CYFIP1: variants seen among roughly 807,000 people sequenced by gnomAD.
The protein encoded by CYFIP1 is cytoplasmic FMR1-interacting protein 1.
A neutral mutation model predicts 163.5 loss-of-function variants in CYFIP1; 58 were observed. The observed-to-expected ratio is 0.35, with a 90% CI of 0.29 to 0.44. The LOEUF (loss-of-function observed/expected upper bound fraction) is 0.44. Among genes scored for constraint, CYFIP1 ranks in the 20% least tolerant of loss-of-function variants. The probability of loss-of-function intolerance (pLI) is 1.00; values close to 1 mark genes in which losing one functional copy is unlikely to be tolerated. For synonymous variants in CYFIP1, 663 were observed against 660.7 expected (o/e 1.00, Z -0.05); for missense variants, 1,338 against 1,653.8 (o/e 0.81, Z 3.31).
chr15:22,933,936 A>G, intron 9 of CYFIP1, 43 bp from the exon 10 acceptor site: 1 of 1,406,540 alleles, frequency 7.1e-7, no homozygotes, highest in Non-Finnish European at 1.0e-6. Flanking sequence ...ATGTATATTT[A>G]GTCACCAAAT....
rs1595622442 is a variant in CYFIP1, at chr15:22,927,277, C to G, written c.1233+629G>C. On this transcript the variant is annotated intron_variant, in intron 12 of 30. Transcript: ENST00000617928. ...GGTAGTTCACCTGAGGTCAGGAGTT[C>G]AAGACCAGTGTGGCCAACATGGTGA... 3.9e-5 allele frequency among the ~76,000 whole-genome samples: 6 copies of G among 151,936 alleles called. No homozygotes were observed. In the South Asian group the frequency reaches 1.2e-3, roughly 32 times the overall value.
At chr15:22,893,689 T>C (rs2060142929) in intron 22 of CYFIP1, among the ~76,000 whole-genome samples, 1 of 152,198 alleles carries the variant, frequency 6.6e-6, no homozygotes, top group Non-Finnish European at 1.5e-5. Flanking sequence ...GAGGACGTGC[T>C]GCACAGAGGA....
At chr15:22,895,279 G>A (rs2060207064) in intron 22 of CYFIP1, among the ~76,000 whole-genome samples, 1 of 152,106 alleles carries the variant, frequency 6.6e-6, no homozygotes, top group South Asian at 2.1e-4. Flanking sequence ...CTCCCAAAGT[G>A]CTGGGATTAC....
At chr15:22,881,758 A>T in intron 25 of CYFIP1, 88 bp downstream of exon 25, 1 of 1,301,224 alleles carries the variant, frequency 7.7e-7, no homozygotes, top group Non-Finnish European at 1.1e-6. Flanking sequence ...CCACATGGCA[A>T]ATCTAATCCT....
intron 26 of CYFIP1, 50 bp from the exon 27 acceptor site, chr15:22,875,321 A>G (rs767871447): frequency 6.5e-7 from 1 of 1,528,876 alleles, no homozygotes; most frequent in Non-Finnish European, 9.1e-7. Flanking sequence ...CTCGCCAGAG[A>G]GCAATCTGGT....
intron 1 of CYFIP1, chr15:22,951,364 C>T: frequency 1.6e-6 from 2 of 1,228,810 alleles, no homozygotes; most frequent in Non-Finnish European, 2.1e-6. Flanking sequence ...CAGAAAGGAG[C>T]AGTGCAGGGC....
In CYFIP1 at chr15:22,903,121, C is replaced by T. The variant is rs570429323; in HGVS notation, c.2588+585G>A. Among the ~76,000 whole-genome samples the T allele has an allele frequency of 3.9e-4, 60 of 152,296 alleles. 3 individuals carry two copies. In the South Asian group the frequency reaches 9.1e-3, roughly 23 times the overall value. Reference sequence around the variant, plus strand: ...CTTGCTTGGTGCCCTGGTCATCCCCCCAGGCTGTTGGTGTCTATGGGAAGG... The same window carrying T: ...CTTGCTTGGTGCCCTGGTCATCCCCTCAGGCTGTTGGTGTCTATGGGAAGG... On this transcript the variant is annotated intron_variant, in intron 22 of 30. Transcript: ENST00000617928.
intron 26 of CYFIP1, among the ~76,000 whole-genome samples, chr15:22,878,747 C>A (rs1332690919): frequency 1.4e-5 from 2 of 143,404 alleles, no homozygotes; most frequent in African/African-American, 5.2e-5. Context: ...TATCAAAAAT[C>A]ACCACTATCA....
At chr15:22,933,075 C>G (rs115584384) in intron 10 of CYFIP1, among the ~76,000 whole-genome samples, 1 of 152,232 alleles carries the variant, frequency 6.6e-6, no homozygotes, top group African/African-American at 2.4e-5. Flanking sequence ...TTCAAGAGAT[C>G]CATCCACCTC....
chr15:22,869,943 T>A lies in CYFIP1; in HGVS notation c.*85A>T. On this transcript the variant is annotated 3_prime_UTR_variant, in exon 31 of 31. Coordinates refer to ENST00000617928, the MANE Select transcript of CYFIP1 (RefSeq NM_014608.6). ...CCCCCTTTAACAGGTACAGAGATAC[T>A]GAAAAATAGTCCCTAAAAATCTCAC... 3.8e-6 allele frequency: 5 copies of A among 1,324,586 alleles called. No individual in the cohort carries two copies. Among genetic ancestry groups the A allele is most frequent in the Non-Finnish European group, 5.0e-6 (5 of 1,003,516 alleles). 82.1% of individuals were successfully genotyped at this position (1,324,586 alleles called of 1,614,324 possible). A position where few individuals can be genotyped will look rare whatever the true frequency, so the allele number is the denominator to read the frequency against.
At position 22,944,697 on chromosome 15, in the gene CYFIP1, G is replaced by A. The variant is rs769159208; in HGVS notation, c.286-38C>T. 1.5e-5 allele frequency: 24 copies of A among 1,584,702 alleles called. 1 individual carries two copies. In the South Asian group the frequency reaches 2.4e-4, roughly 16 times the overall value. On this transcript the variant is annotated intron_variant, in intron 4 of 30. Coordinates refer to ENST00000617928, the MANE Select transcript of CYFIP1 (RefSeq NM_014608.6). ...GAACAAGGATGACATAAGAGGCTTT[G>A]ATCCAGCCAGAAGCAGCCGCTGGGC...
chr15:22,879,401 G>C (rs1447421474), intron 26 of CYFIP1, among the ~76,000 whole-genome samples: 2 of 152,164 alleles, frequency 1.3e-5, no homozygotes, highest in African/African-American at 2.4e-5. Flanking sequence ...GGCGTCCACT[G>C]TGCCACGTCC....
At chr15:22,909,108 G>T in intron 21 of CYFIP1, 86 bp downstream of exon 21, 2 of 1,387,436 alleles carry the variant, frequency 1.4e-6, no homozygotes, top group South Asian at 2.5e-5. Flanking sequence ...GGCCACGCCC[G>T]ATGAGTGCAT....
chr15:22,915,918 A>G (rs913691643), intron 16 of CYFIP1, among the ~76,000 whole-genome samples: 3 of 152,190 alleles, frequency 2.0e-5, no homozygotes, highest in Non-Finnish European at 4.4e-5. Context: ...GTTAACAGCA[A>G]AAGTGGTACT....
intron 22 of CYFIP1, among the ~76,000 whole-genome samples, chr15:22,901,401 G>A (rs796453481): frequency 2.0e-5 from 3 of 152,248 alleles, no homozygotes; most frequent in African/African-American, 7.2e-5. Context: ...ACATGACAGT[G>A]GGAACACCTG....
At chr15:22,922,272 C>T (rs898867479) in intron 13 of CYFIP1, among the ~76,000 whole-genome samples, 2 of 152,184 alleles carry the variant, frequency 1.3e-5, no homozygotes, top group Non-Finnish European at 2.9e-5. Flanking sequence ...GTTTTGAGGA[C>T]CTAGAGTCTG....
rs2059914047 is a variant in CYFIP1, at chr15:22,885,880, TATC to T, written c.2677-2872_2677-2870del. The stretch of plus-strand genomic sequence containing the variant: ...CCAAAGTCACTTCCACATTTTCAGG[TATC>T]TTTATAGCAGTACTCCACTCTACCA... On this transcript the variant is annotated intron_variant, in intron 23 of 30. Coordinates refer to ENST00000617928, the MANE Select transcript of CYFIP1 (RefSeq NM_014608.6). Among the ~76,000 whole-genome samples the T allele has an allele frequency of 3.9e-5, 6 of 152,322 alleles. No individual in the cohort carries two copies. In the South Asian group the frequency reaches 1.2e-3, roughly 32 times the overall value.
At chr15:22,956,940 G>A (rs556832766) in intron 1 of CYFIP1, among the ~76,000 whole-genome samples, 3 of 152,356 alleles carry the variant, frequency 2.0e-5, no homozygotes, top group African/African-American at 7.2e-5. Context: ...AGGTCAAGAG[G>A]GAGCTTTTCA....
Position 22,909,186 on chromosome 15 carries a change from T to C in CYFIP1, c.2388+8A>G. 6.2e-7 allele frequency: 1 copy of C among 1,613,700 alleles called. No individual in the cohort carries two copies. The highest frequency in any genetic ancestry group is 1.7e-5 in the Admixed American group (1 of 60,002). ...AATTTATCAATAGGGCAAAGTGAAA[T>C]TACTTACAACTATGGAGGTCAAATC... On this transcript the variant is annotated splice_region_variant and intron_variant, in intron 21 of 30. Transcript: ENST00000617928.
Sources: gnomAD v4.1 joint callset for allele counts (sites outside exome capture counted in the v4.1 genomes callset) on GRCh38, gnomAD v4.1.1 for gene constraint, MANE v1.5 for transcripts, NCBI Gene and HGNC (gene_info 2026-07-23, HGNC 2026-07-21) for gene names.